SLC41A2: variants seen among roughly 807,000 people sequenced by gnomAD.
SLC41A2 encodes SLC41A1-like 1.
In SLC41A2, 32 loss-of-function variants were observed where a neutral mutation model predicts 58.3. That is an observed-to-expected ratio of 0.55 (90% confidence interval 0.41 to 0.74). The LOEUF (loss-of-function observed/expected upper bound fraction) is 0.74, where lower values mean the gene tolerates loss of function less well. Among genes scored for constraint, SLC41A2 ranks in the 30% least tolerant of loss-of-function variants. SLC41A2 has a pLI of 0.00. For synonymous variants in SLC41A2, 190 were observed against 235.0 expected, an observed-to-expected ratio of 0.81 and a Z score of 1.75; for missense variants, 514 against 680.6, an observed-to-expected ratio of 0.76 and a Z score of 2.72.
intron 1 of SLC41A2, among the ~76,000 whole-genome samples, chr12:104,953,619 C>T (rs188821031): frequency 4.6e-5 from 7 of 152,290 alleles, no homozygotes; most frequent in African/African-American, 1.4e-4. Flanking sequence ...ACAGGACTTT[C>T]CCTTCCATTT....
At chr12:104,843,725 T>A (rs2042501855) in intron 10 of SLC41A2, among the ~76,000 whole-genome samples, 1 of 152,144 alleles carries the variant, frequency 6.6e-6, no homozygotes, top group Admixed American at 6.6e-5. Context: ...GAAGTTTTAA[T>A]CTTTTCTTCC....
intron 10 of SLC41A2, among the ~76,000 whole-genome samples, chr12:104,834,576 T>A (rs553557729): frequency 6.6e-6 from 1 of 151,528 alleles, no homozygotes; most frequent in Admixed American, 6.6e-5. Flanking sequence ...TCCTGAGGAG[T>A]GAGAAGAAAT....
intron 1 of SLC41A2, among the ~76,000 whole-genome samples, chr12:104,953,118 C>T (rs1817682832): frequency 6.6e-6 from 1 of 152,176 alleles, no homozygotes; most frequent in African/African-American, 2.4e-5. Context: ...ATTAGACATT[C>T]CATAAATATT....
chr12:104,952,768 G>GA (rs936031093), intron 1 of SLC41A2, among the ~76,000 whole-genome samples: 5 of 151,876 alleles, frequency 3.3e-5, no homozygotes, highest in African/African-American at 7.3e-5. Flanking sequence ...TGCAGTTAAA[G>GA]AAAAAAAATG....
chr12:104,863,374 G>T (rs1287450969), intron 7 of SLC41A2, among the ~76,000 whole-genome samples: 5 of 152,102 alleles, frequency 3.3e-5, no homozygotes, highest in African/African-American at 1.2e-4. Flanking sequence ...GTTTGAGGCT[G>T]CAGTGAACTA....
At chr12:104,860,276 C>A (rs1022364703) in intron 8 of SLC41A2, among the ~76,000 whole-genome samples, 2 of 151,658 alleles carry the variant, frequency 1.3e-5, no homozygotes, top group Non-Finnish European at 2.9e-5. Context: ...ACAAATAACT[C>A]ATGCATGCGG....
chr12:104,861,324 C>A lies in SLC41A2; in HGVS notation c.1222G>T (p.Val408Phe). Residue 408 changes from valine to phenylalanine, a missense_variant, in exon 8 of 11, where the codon GTT becomes TTT. Val to Phe is a conservative substitution (Grantham distance 50). This residue lies in a region of SLC41A2 where 50 missense variants were observed against 104.5 expected (regional missense o/e 0.48). Coordinates refer to ENST00000258538, the MANE Select transcript of SLC41A2 (RefSeq NM_001352171.3). ...ACTGGCGTGTAAACAACAATCCCAA[C>A]CAAGTTTGGGTCTGATACAGTTGTG... is the stretch of plus-strand genomic sequence containing the variant. ...LDTTVSDPNL[V>F]GIVVYTPVIN... 3 of 1,613,346 alleles carry A rather than the reference C, an allele frequency of 1.9e-6. No homozygotes were observed. Among genetic ancestry groups the A allele is most frequent in the Non-Finnish European group, 2.5e-6 (3 of 1,179,504 alleles).
intron 10 of SLC41A2, among the ~76,000 whole-genome samples, chr12:104,819,142 T>G (rs1264097047): frequency 2.0e-5 from 3 of 152,220 alleles, no homozygotes; most frequent in Admixed American, 6.5e-5. Context: ...ATAAGAATAT[T>G]CTCAATAAAA....
At chr12:104,870,911 G>A (rs182340832) in intron 6 of SLC41A2, among the ~76,000 whole-genome samples, 58 of 152,224 alleles carry the variant, frequency 3.8e-4, no homozygotes, top group African/African-American at 1.4e-3. Flanking sequence ...TGAGGGAACT[G>A]ATACTCTAGA....
At chr12:104,952,722 T>C (rs188012350) in intron 1 of SLC41A2, among the ~76,000 whole-genome samples, 1 of 152,196 alleles carries the variant, frequency 6.6e-6, no homozygotes, top group South Asian at 2.1e-4. Flanking sequence ...GGATTACAAC[T>C]CACTAATTTG....
At position 104,805,987 on chromosome 12, in the gene SLC41A2, T is replaced by C. The variant is rs997843540; in HGVS notation, c.1537-650A>G. Among the ~76,000 whole-genome samples the C allele has an allele frequency of 3.3e-5, 5 of 152,200 alleles. 1 individual carries two copies. Among genetic ancestry groups the C allele is most frequent in the Admixed American group, 2.6e-4 (4 of 15,274 alleles). On this transcript the variant is annotated intron_variant, in intron 10 of 10. Transcript: ENST00000258538. ...GGAATATAAAGACTTTTGTGAAGCT[T>C]TGAATTTTGGGACCAGATAAATGTT...
chr12:104,817,848 T>C (rs78253197), intron 10 of SLC41A2, among the ~76,000 whole-genome samples: 1 of 151,710 alleles, frequency 6.6e-6, no homozygotes, highest in African/African-American at 2.4e-5. Flanking sequence ...AGCCACGACA[T>C]CACTAGGTGA....
intron 10 of SLC41A2, among the ~76,000 whole-genome samples, chr12:104,818,497 T>C (rs183943549): frequency 1.3e-5 from 2 of 151,998 alleles, no homozygotes; most frequent in African/African-American, 4.8e-5. Context: ...AATATGAAAA[T>C]AGATGCCATA....
chr12:104,948,745 G>T lies in SLC41A2; in HGVS notation c.-168+9343C>A, dbSNP rs548574157. On this transcript the variant is annotated intron_variant, in intron 1 of 10. Coordinates refer to ENST00000258538, the MANE Select transcript of SLC41A2 (RefSeq NM_001352171.3). Reference sequence around the variant, plus strand: ...GGCACAAGGATGATAGAACCAAGGTGTATCATCAGTGTTCCCTCTCAGCTC... The same window carrying T: ...GGCACAAGGATGATAGAACCAAGGTTTATCATCAGTGTTCCCTCTCAGCTC... 2.6e-5 allele frequency among the ~76,000 whole-genome samples: 4 copies of T among 152,332 alleles called. No individual in the cohort carries two copies. In the South Asian group the frequency reaches 8.3e-4, roughly 32 times the overall value.
intron 10 of SLC41A2, among the ~76,000 whole-genome samples, chr12:104,835,484 CA>C (rs1320788586): frequency 2.0e-5 from 3 of 152,144 alleles, no homozygotes; most frequent in South Asian, 2.1e-4. Context: ...GAGTTTTTCT[CA>C]TTTGCCTAAT....
chr12:104,847,240 AG>A (rs201077440), intron 8 of SLC41A2, among the ~76,000 whole-genome samples: 2,024 of 152,204 alleles, frequency 0.013, 24 homozygotes, highest in Non-Finnish European at 0.019. Flanking sequence ...ATCAATATCA[AG>A]GGGGAAAAAA....
At chr12:104,836,631 C>T (rs1292231051) in intron 10 of SLC41A2, among the ~76,000 whole-genome samples, 1 of 152,112 alleles carries the variant, frequency 6.6e-6, no homozygotes, top group African/African-American at 2.4e-5. Context: ...AGTACAGAGA[C>T]AGTAGAACCA....
At position 104,810,903 on chromosome 12, in the gene SLC41A2, C is replaced by T. The variant is rs544443423; in HGVS notation, c.1537-5566G>A. Among the ~76,000 whole-genome samples, 4 of 152,342 alleles carry T rather than the reference C, an allele frequency of 2.6e-5. No individual in the cohort carries two copies. The South Asian group carries it at 6.2e-4, about 24-fold the overall frequency. Reference sequence around the variant, plus strand: ...CTAAAGCCCATGCTCTCAACCATCACTACAGTACCTTGTTTTAGTAAAAAT... The same window carrying T: ...CTAAAGCCCATGCTCTCAACCATCATTACAGTACCTTGTTTTAGTAAAAAT... On this transcript the variant is annotated intron_variant, in intron 10 of 10. Transcript: ENST00000258538.
At chr12:104,881,530 T>C (rs2044370242) in intron 6 of SLC41A2, among the ~76,000 whole-genome samples, 1 of 152,222 alleles carries the variant, frequency 6.6e-6, no homozygotes, top group Admixed American at 6.5e-5. Context: ...TTGGTCTCAT[T>C]GGTTTCAAAG....
Sources: gnomAD v4.1 joint callset for allele counts (sites outside exome capture counted in the v4.1 genomes callset) on GRCh38, gnomAD v4.1.1 for gene constraint, gnomAD v4.1.1 regional missense constraint, MANE v1.5 for transcripts, NCBI Gene and HGNC (gene_info 2026-07-23, HGNC 2026-07-21) for gene names.